LRBA: variants seen among roughly 807,000 people sequenced by gnomAD.
The protein encoded by LRBA is LPS responsive beige-like anchor protein.
LRBA carries 176 observed loss-of-function variants against 330.0 expected under a neutral mutation model. That is an observed-to-expected ratio of 0.53 (90% CI 0.47 to 0.60). LRBA has a LOEUF of 0.60. Among genes scored for constraint, LRBA ranks in the 20% least tolerant of loss-of-function variants. LRBA has a pLI of 0.00. For missense variants in LRBA, 3,259 were observed against 3,444.8 expected (o/e 0.95, Z 1.35); for synonymous variants, 1,230 against 1,193.0 (o/e 1.03, Z -0.64).
At chr4:150,615,184 T>C (rs1276319206) in intron 37 of LRBA, among the ~76,000 whole-genome samples, 1 of 152,144 alleles carries the variant, frequency 6.6e-6, no homozygotes, top group Non-Finnish European at 1.5e-5. Context: ...TTTGGATACA[T>C]AAAGAATAAC....
At chr4:150,554,609 T>C (rs934955698) in intron 40 of LRBA, among the ~76,000 whole-genome samples, 2 of 152,116 alleles carry the variant, frequency 1.3e-5, no homozygotes, top group African/African-American at 4.8e-5. Context: ...ACAACTAAAG[T>C]ATAGAAAGAT....
At position 150,594,044 on chromosome 4, in the gene LRBA, G is replaced by A. The variant is rs148626762; in HGVS notation, c.6047-3185C>T. On this transcript the variant is annotated intron_variant, in intron 38 of 56. Coordinates refer to ENST00000651943, the MANE Select transcript of LRBA (RefSeq NM_001364905.1). ...TCATTAAAAATTTTACATACTATAG[G>A]TGTACTGTATGCATACACACACCCA... 1.6e-4 allele frequency among the ~76,000 whole-genome samples: 25 copies of A among 151,902 alleles called. 1 individual carries two copies. In the East Asian group the frequency reaches 4.8e-3, roughly 29 times the overall value.
intron 7 of LRBA, among the ~76,000 whole-genome samples, chr4:150,916,002 C>A (rs1211108319): frequency 6.6e-6 from 1 of 152,070 alleles, no homozygotes; most frequent in Non-Finnish European, 1.5e-5. Context: ...CAAACACCCC[C>A]TTTTTCCACC....
At chr4:150,739,656 T>C (rs1165924225) in intron 35 of LRBA, among the ~76,000 whole-genome samples, 1 of 152,152 alleles carries the variant, frequency 6.6e-6, no homozygotes, top group Non-Finnish European at 1.5e-5. Flanking sequence ...GTAACTTGCA[T>C]CTTGCTAGCA....
intron 37 of LRBA, among the ~76,000 whole-genome samples, chr4:150,682,849 TA>T (rs1195367835): frequency 6.6e-6 from 1 of 152,112 alleles, no homozygotes; most frequent in Non-Finnish European, 1.5e-5. Context: ...TAACTTTACT[TA>T]AAAGAGTCAA....
At chr4:150,610,195 T>C (rs1775091161) in intron 37 of LRBA, among the ~76,000 whole-genome samples, 1 of 152,200 alleles carries the variant, frequency 6.6e-6, no homozygotes, top group South Asian at 2.1e-4. Flanking sequence ...AAGGTCCAGC[T>C]GAGTTTGGAA....
At chr4:150,721,387 C>T (rs999693268) in intron 36 of LRBA, 16 of 293,912 alleles carry the variant, frequency 5.4e-5, no homozygotes, top group African/African-American at 3.6e-4. Context: ...TCCAATCACC[C>T]TCAGGGAACC....
chr4:150,550,388 T>C (rs959425113), intron 40 of LRBA, among the ~76,000 whole-genome samples: 4 of 152,052 alleles, frequency 2.6e-5, no homozygotes, highest in Non-Finnish European at 4.4e-5. Flanking sequence ...CAAAAATGGA[T>C]CTAGGAAAAT....
At chr4:150,786,694 CT>C (rs1229334317) in intron 34 of LRBA, among the ~76,000 whole-genome samples, 1 of 152,128 alleles carries the variant, frequency 6.6e-6, no homozygotes, top group Non-Finnish European at 1.5e-5. Context: ...ATCAGCAGCA[CT>C]CTGACCAAAA....
At chr4:150,359,423 G>A (rs1488567170) in intron 47 of LRBA, among the ~76,000 whole-genome samples, 1 of 152,064 alleles carries the variant, frequency 6.6e-6, no homozygotes, top group Admixed American at 6.6e-5. Flanking sequence ...AGTGAAGAGG[G>A]GACAGAGTTC....
rs887119641 is a variant in LRBA, at chr4:150,683,667, A to G, written c.5805T>C (p.Cys1935=). 6.2e-7 allele frequency: 1 copy of G among 1,613,674 alleles called. No individual in the cohort carries two copies. Among genetic ancestry groups the G allele is most frequent in the African/African-American group, 1.3e-5 (1 of 74,900 alleles). ...SADKREDEKM[C]DHLIRAAKYR... ...ATTTTGCTGCTCTTATCAAATGATC[A>G]CACATCTTCTCATCTTCTCGTTTGT... is the stretch of plus-strand genomic sequence containing the variant. Residue 1935 remains cysteine, a synonymous_variant, in exon 37 of 57, where the codon TGT becomes TGC. Transcript: ENST00000651943.
intron 37 of LRBA, among the ~76,000 whole-genome samples, chr4:150,639,360 T>TAAAAAAAAAAAAGAAAAAAAAAAAA (rs1297718980): frequency 9.4e-6 from 1 of 106,674 alleles, no homozygotes; most frequent in African/African-American, 3.7e-5. Context: ...TAAAGTATAA[T>TAAAAAAAAAAAAGAAAAAAAAAAAA]AAAAAAAAAA....
At chr4:150,926,816 T>C (rs960847120) in intron 4 of LRBA, among the ~76,000 whole-genome samples, 4 of 152,164 alleles carry the variant, frequency 2.6e-5, no homozygotes, top group Non-Finnish European at 5.9e-5. Flanking sequence ...CTTATGCCTG[T>C]AATCCCAGCA....
intron 38 of LRBA, among the ~76,000 whole-genome samples, chr4:150,597,847 A>G (rs1716375569): frequency 6.6e-6 from 1 of 152,112 alleles, no homozygotes; most frequent in Non-Finnish European, 1.5e-5. Flanking sequence ...CTGTAGTTGA[A>G]GATGTAGGGC....
At chr4:150,589,910 TATCAG>T (rs1772596152) in intron 39 of LRBA, among the ~76,000 whole-genome samples, 1 of 152,174 alleles carries the variant, frequency 6.6e-6, no homozygotes, top group South Asian at 2.1e-4. Flanking sequence ...GGTTTACAGT[TATCAG>T]AGAAGATACC....
intron 51 of LRBA, among the ~76,000 whole-genome samples, chr4:150,312,595 T>C (rs942930940): frequency 6.6e-6 from 1 of 152,186 alleles, no homozygotes; most frequent in Non-Finnish European, 1.5e-5. Flanking sequence ...AAAGTGAATG[T>C]ATAAGTATCA....
chr4:150,817,029 A>G, intron 31 of LRBA, 95 bp downstream of exon 31: 4 of 1,029,140 alleles, frequency 3.9e-6, no homozygotes, highest in Admixed American at 3.8e-5. Context: ...ATGGTTTCTA[A>G]TGTGCCCCCA....
intron 5 of LRBA, among the ~76,000 whole-genome samples, chr4:150,919,390 AT>A (rs1732997842): frequency 6.6e-6 from 1 of 152,220 alleles, no homozygotes; most frequent in African/African-American, 2.4e-5. Flanking sequence ...TTTGTAAAAA[AT>A]TCAAACTGCA....
chr4:150,465,758 T>C (rs10012751), intron 44 of LRBA, among the ~76,000 whole-genome samples: 93,095 of 151,772 alleles, frequency 0.61, 31,486 homozygotes, highest in Non-Finnish European at 0.75. Flanking sequence ...ATGTGATCCA[T>C]GAATAAGGCT....
Sources: allele counts gnomAD v4.1 joint callset (sites outside exome capture counted in the v4.1 genomes callset), GRCh38; gene constraint gnomAD v4.1.1; transcripts MANE v1.5; gene names NCBI Gene and HGNC (gene_info 2026-07-23, HGNC 2026-07-21).